The following SEC14L3 variants were observed in gnomAD, a reference collection of about 807,000 sequenced individuals.
SEC14L3 encodes SEC14 like lipid binding 3.
A neutral mutation model predicts 57.4 loss-of-function variants in SEC14L3; 56 were observed. The ratio of observed to expected loss-of-function variants is 0.97; its 90% CI spans 0.79 to 1.22. SEC14L3 has a LOEUF of 1.22. Ranked by LOEUF, SEC14L3 falls within the 50% of genes most tolerant of loss-of-function variation. SEC14L3 has a pLI of 0.00. For missense variants in SEC14L3, 485 were observed against 511.7 expected, an observed-to-expected ratio of 0.95 and a Z score of 0.50; for synonymous variants, 173 against 194.4, an observed-to-expected ratio of 0.89 and a Z score of 0.92.
chr22:30,466,679 A>G (rs942790921), intron 6 of SEC14L3, among the ~76,000 whole-genome samples: 1 of 146,708 alleles, frequency 6.8e-6, no homozygotes, highest in Non-Finnish European at 1.5e-5. Context: ...CAGTGTATAT[A>G]CACTTTACAT....
At chr22:30,467,728 A>G (rs189412711) in intron 5 of SEC14L3, among the ~76,000 whole-genome samples, 1 of 152,350 alleles carries the variant, frequency 6.6e-6, no homozygotes, top group East Asian at 1.9e-4. Flanking sequence ...TGTGGTGGGA[A>G]CTAGGGTTGT....
At chr22:30,464,591 C>A (rs1184612868) in intron 8 of SEC14L3, among the ~76,000 whole-genome samples, 2 of 152,128 alleles carry the variant, frequency 1.3e-5, no homozygotes, top group African/African-American at 4.8e-5. Flanking sequence ...CCACCACAAC[C>A]AGCTAATTTT....
intron 11 of SEC14L3, 88 bp downstream of exon 11, chr22:30,461,222 G>A (rs560844580): frequency 2.3e-4 from 332 of 1,466,318 alleles, no homozygotes; most frequent in Non-Finnish European, 2.9e-4. Context: ...TGGGGGAGGT[G>A]TGTCACTGCC....
At chr22:30,454,238 C>A (rs1935038442), downstream of SEC14L3, among the ~76,000 whole-genome samples, 1 of 151,970 alleles carries the variant, frequency 6.6e-6, no homozygotes, top group Non-Finnish European at 1.5e-5. Context: ...GCTCCTGTGA[C>A]CCTGAGGAAG....
At chr22:30,454,858 AT>A (rs1935069805), downstream of SEC14L3, among the ~76,000 whole-genome samples, 3 of 47,830 alleles carry the variant, frequency 6.3e-5, no homozygotes, top group Non-Finnish European at 9.0e-5. Context: ...ATATTATATT[AT>A]TATATAATAC....
chr22:30,470,132 A>G (rs769361906), intron 3 of SEC14L3, 54 bp from the exon 4 acceptor site: 142 of 1,611,236 alleles, frequency 8.8e-5, no homozygotes, highest in Non-Finnish European at 1.2e-4. Context: ...CCCTGAGAAC[A>G]GGGATGGAAG....
chr22:30,468,345 CTG>C (rs1935488660), intron 5 of SEC14L3, among the ~76,000 whole-genome samples, 161 bp downstream of exon 5: 1 of 151,926 alleles, frequency 6.6e-6, no homozygotes, highest in Non-Finnish European at 1.5e-5. Context: ...CTTTCTGTGA[CTG>C]TGACTTTTCA....
chr22:30,457,528 A>G (rs5753157), downstream of SEC14L3, among the ~76,000 whole-genome samples: 107,143 of 151,554 alleles, frequency 0.71, 38,907 homozygotes, highest in African/African-American at 0.87. Flanking sequence ...GATTACAGGT[A>G]TGTGCTACCT....
downstream of SEC14L3, among the ~76,000 whole-genome samples, chr22:30,455,067 A>T (rs1251593380): frequency 1.4e-4 from 5 of 36,228 alleles, no homozygotes; most frequent in Admixed American, 9.4e-4. Flanking sequence ...TATTATATAT[A>T]ATATATAATA....
At chr22:30,449,313 G>A (rs1363570889) in intron 12 of SEC14L3, 2 of 1,538,250 alleles carry the variant, frequency 1.3e-6, no homozygotes, top group Non-Finnish European at 1.8e-6. Flanking sequence ...AACTCCAGAG[G>A]GTCACCAATA....
At chr22:30,471,844 C>CT in intron 1 of SEC14L3, 61 bp downstream of exon 1, 11 of 1,610,718 alleles carry the variant, frequency 6.8e-6, no homozygotes, top group Non-Finnish European at 9.3e-6. Context: ...CCAGCCACTT[C>CT]TTTCCACCCC....
rs919282573 is a variant in SEC14L3, at chr22:30,451,161, G to T, written c.905-1917C>A. On this transcript the variant is annotated intron_variant, in intron 12 of 12. Transcript: ENST00000403066. Reference sequence around the variant, plus strand: ...GGCAGGCCAGGTCAGGGGGGCTGCCGGGGGTGGCGCTGCTCTGGGGACCTT... The same window carrying T: ...GGCAGGCCAGGTCAGGGGGGCTGCCTGGGGTGGCGCTGCTCTGGGGACCTT... Among the ~76,000 whole-genome samples the T allele has an allele frequency of 2.6e-5, 4 of 152,220 alleles. 1 individual carries two copies. In the South Asian group the frequency reaches 8.3e-4, roughly 32 times the overall value.
exon 13 of SEC14L3, chr22:30,448,941 G>C (rs1934929468): frequency 4.2e-6 from 3 of 710,808 alleles, no homozygotes; most frequent in Non-Finnish European, 4.7e-6. Flanking sequence ...TCCTTGGTCT[G>C]CCCTAGGCCC....
chr22:30,453,570 G>A (rs1161555440), intron 12 of SEC14L3, among the ~76,000 whole-genome samples: 2 of 152,104 alleles, frequency 1.3e-5, no homozygotes, highest in South Asian at 2.1e-4. Context: ...GCACCACCAC[G>A]CCCAGCTAAT....
At chr22:30,458,497 A>G (rs1261864019), downstream of SEC14L3, among the ~76,000 whole-genome samples, 1 of 152,156 alleles carries the variant, frequency 6.6e-6, no homozygotes, top group Non-Finnish European at 1.5e-5. Context: ...GAACAAATAA[A>G]TCATGCCTTC....
downstream of SEC14L3, among the ~76,000 whole-genome samples, chr22:30,454,530 ATC>A (rs1935045952): frequency 2.8e-5 from 3 of 108,312 alleles, no homozygotes; most frequent in African/African-American, 3.9e-5. Flanking sequence ...ATTATATATA[ATC>A]TATAATAATA....
intron 3 of SEC14L3, 50 bp downstream of exon 3, chr22:30,470,162 T>C (rs1265606162): frequency 1.2e-5 from 19 of 1,612,558 alleles, no homozygotes; most frequent in Middle Eastern, 1.7e-4. Context: ...GAGGCATGGA[T>C]TGCCCCTGAC....
downstream of SEC14L3, among the ~76,000 whole-genome samples, chr22:30,457,139 C>T (rs146765741): frequency 3.8e-4 from 58 of 152,190 alleles, no homozygotes; most frequent in African/African-American, 1.3e-3. Context: ...CCCTGTCCCC[C>T]GACCCTGCAT....
At position 30,459,921 on chromosome 22, in the gene SEC14L3, A is replaced by T. The variant is rs1935196192; in HGVS notation, c.*100T>A. ...CTTTCTGTACTCACTAACGTCACAG[A>T]GTCAGGAGGACTAACAATCAATTTC... On this transcript the variant is annotated 3_prime_UTR_variant, in exon 12 of 12. Transcript: ENST00000215812. 7 of 1,512,630 alleles carry T rather than the reference A, an allele frequency of 4.6e-6. No individual in the cohort carries two copies. The Admixed American group carries it at 1.3e-4, about 27-fold the overall frequency. The allele number at this position is 1,512,630 out of a possible 1,614,324, so 93.7% of individuals were successfully genotyped here. A position where few individuals can be genotyped will look rare whatever the true frequency, so the allele number is the denominator to read the frequency against.
Sources: gnomAD v4.1 joint callset for allele counts (sites outside exome capture counted in the v4.1 genomes callset) on GRCh38, gnomAD v4.1.1 for gene constraint, MANE v1.5 for transcripts, NCBI Gene and HGNC (gene_info 2026-07-23, HGNC 2026-07-21) for gene names.